The following CDKN2B-AS1 variants were observed in gnomAD, a reference collection of about 807,000 sequenced individuals.
CDKN2B-AS1 encodes CDKN2B antisense RNA 1 (non-protein coding).
At chr9:22,124,416 G>A (rs1817987596) in intron 4 of CDKN2B-AS1, among the ~76,000 whole-genome samples, 1 of 152,236 alleles carries the variant, frequency 6.6e-6, no homozygotes, top group African/African-American at 2.4e-5. Flanking sequence ...AGTTAAGTTA[G>A]TTGGAACTGA....
At chr9:22,036,951 C>T (rs1475526941) in intron 1 of CDKN2B-AS1, among the ~76,000 whole-genome samples, 1 of 152,076 alleles carries the variant, frequency 6.6e-6, no homozygotes, top group Non-Finnish European at 1.5e-5. Flanking sequence ...GTGGCTCTTC[C>T]ACACCCTGAC....
At chr9:22,046,875 A>G (rs1314964220) in exon 2 of CDKN2B-AS1, 1 of 152,152 alleles carries the variant, frequency 6.6e-6, no homozygotes, top group Non-Finnish European at 1.5e-5. Context: ...AACACACATC[A>G]AAGGAGAATT....
intron 4 of CDKN2B-AS1, among the ~76,000 whole-genome samples, chr9:22,065,336 G>A (rs1426339021): frequency 5.3e-5 from 8 of 152,308 alleles, no homozygotes; most frequent in African/African-American, 1.7e-4. Context: ...CCTAAGCAAA[G>A]ATTGCCAGCC....
At chr9:22,012,349 C>A in intron 1 of CDKN2B-AS1, 2 of 1,215,328 alleles carry the variant, frequency 1.6e-6, no homozygotes, top group Non-Finnish European at 2.4e-6. Context: ...AGAAACAGCC[C>A]ACCCCGCACC....
At chr9:22,111,435 A>T (rs1328877096) in intron 4 of CDKN2B-AS1, among the ~76,000 whole-genome samples, 3 of 152,212 alleles carry the variant, frequency 2.0e-5, no homozygotes, top group African/African-American at 7.2e-5. Context: ...TTCCATTTTT[A>T]AAAAATCACC....
chr9:22,089,439 C>T (rs536226937), intron 4 of CDKN2B-AS1, among the ~76,000 whole-genome samples: 1 of 149,510 alleles, frequency 6.7e-6, no homozygotes, highest in Non-Finnish European at 1.5e-5. Context: ...ACTTACTAAA[C>T]TTTTTTTTTT....
At chr9:22,029,529 G>A (rs780241839) in intron 1 of CDKN2B-AS1, 1 of 779,318 alleles carries the variant, frequency 1.3e-6, no homozygotes, top group Non-Finnish European at 2.4e-6. Flanking sequence ...CTCCGTCCTG[G>A]CCCCCATGAC....
Position 22,001,713 on chromosome 9 carries a change from T to C in CDKN2B-AS1, n.29+6552T>C, listed in dbSNP as rs544080943. 6.6e-6 allele frequency among the ~76,000 whole-genome samples: 1 copy of C among 152,122 alleles called. No individual in the cohort carries two copies. Among genetic ancestry groups the C allele is most frequent in the Non-Finnish European group, 1.5e-5 (1 of 67,974 alleles). On this transcript the variant is annotated intron_variant and non_coding_transcript_variant, in intron 1 of 4. Coordinates refer to ENST00000650946, the Ensembl canonical transcript of CDKN2B-AS1. The surrounding 1 kb of genome is among the most constrained non-coding windows in gnomAD (Gnocchi z 4.2). ...CGCAAGGAATGACATTAAAATCTTCTGAGTAGGGAATTTAAGAGGCAAGAA... is the reference window on the plus strand; with the variant it reads ...CGCAAGGAATGACATTAAAATCTTCCGAGTAGGGAATTTAAGAGGCAAGAA...
intron 1 of CDKN2B-AS1, among the ~76,000 whole-genome samples, chr9:22,031,361 A>G (rs1166782883): frequency 6.6e-6 from 1 of 152,190 alleles, no homozygotes; most frequent in Non-Finnish European, 1.5e-5. Context: ...ACTAACATAC[A>G]TTATTCTCAT....
intron 3 of CDKN2B-AS1, among the ~76,000 whole-genome samples, chr9:22,055,368 T>A (rs893208543): frequency 6.6e-6 from 1 of 152,190 alleles, no homozygotes; most frequent in African/African-American, 2.4e-5. Context: ...TGTAGCTTAG[T>A]TTTAGGTTCA....
intron 4 of CDKN2B-AS1, among the ~76,000 whole-genome samples, chr9:22,113,133 G>T (rs541452783): frequency 2.0e-5 from 3 of 152,310 alleles, no homozygotes; most frequent in East Asian, 3.9e-4. Flanking sequence ...CAGGCACTGC[G>T]TGGCTCGGCT....
intron 4 of CDKN2B-AS1, among the ~76,000 whole-genome samples, chr9:22,086,242 C>G (rs1036305207): frequency 6.6e-6 from 1 of 152,130 alleles, no homozygotes; most frequent in African/African-American, 2.4e-5. Flanking sequence ...CCCTTCCTCT[C>G]TTCTCATATC....
intron 4 of CDKN2B-AS1, among the ~76,000 whole-genome samples, chr9:22,070,064 A>G (rs1204615710): frequency 6.6e-6 from 1 of 152,192 alleles, no homozygotes; most frequent in Non-Finnish European, 1.5e-5. Flanking sequence ...CCAAATGAAC[A>G]CTATCCTCAC....
chr9:22,009,138 C>A, intron 1 of CDKN2B-AS1: 1 of 771,056 alleles, frequency 1.3e-6, no homozygotes, highest in Non-Finnish European at 2.1e-6. Context: ...GCCGAGCGGC[C>A]GGTCGTTAGC....
chr9:22,062,988 T>TACACACACAC (rs1448981003), intron 4 of CDKN2B-AS1, among the ~76,000 whole-genome samples: 7 of 30,194 alleles, frequency 2.3e-4, no homozygotes, highest in African/African-American at 2.0e-3. Context: ...CACACACACA[T>TACACACACAC]ATATATATAT....
chr9:22,012,231 T>A (rs546645350), intron 1 of CDKN2B-AS1: 2 of 1,414,808 alleles, frequency 1.4e-6, no homozygotes, highest in Non-Finnish European at 1.0e-6. Flanking sequence ...ATTGAGAATG[T>A]CAGTGCGAAA....
At chr9:22,038,883 A>G (rs1241790782) in intron 1 of CDKN2B-AS1, among the ~76,000 whole-genome samples, 1 of 152,084 alleles carries the variant, frequency 6.6e-6, no homozygotes, top group Non-Finnish European at 1.5e-5. Flanking sequence ...TATCTGGTAT[A>G]GTGTATGCAT....
chr9:21,996,439 T>C lies in CDKN2B-AS1; in HGVS notation n.29+1278T>C, dbSNP rs886765567. On this transcript the variant is annotated intron_variant and non_coding_transcript_variant, in intron 1 of 4. Transcript: ENST00000650946. This position sits in a 1 kb window ranked among gnomAD's most constrained non-coding sequence, Gnocchi z 5.4. ...TGCTCTTTCTCCCTCTTCGCAAATA[T>C]AGCTCTTTTTCCTTCAGGTCTCTTC... is the stretch of plus-strand genomic sequence containing the variant. Among the ~76,000 whole-genome samples the C allele has an allele frequency of 6.6e-6, 1 of 152,232 alleles. No individual in the cohort carries two copies.
rs1327646429 is a variant in CDKN2B-AS1 at position 22,006,843 on chromosome 9, A to G, written n.29+11682A>G. Among the ~76,000 whole-genome samples the G allele has an allele frequency of 2.0e-5, 3 of 151,952 alleles. No individual in the cohort carries two copies. The highest frequency in any genetic ancestry group is 4.4e-5 in the Non-Finnish European group (3 of 68,002). ...GTGTCTGAGCTCATAACTGGCTTGT[A>G]GTGTGATAATTTGAGCCAAAGTTGG... On this transcript the variant is annotated intron_variant and non_coding_transcript_variant, in intron 1 of 4. Transcript: ENST00000650946. The surrounding 1 kb of genome is among the most constrained non-coding windows in gnomAD (Gnocchi z 6.4).
Sources: allele counts gnomAD v4.1 joint callset (sites outside exome capture counted in the v4.1 genomes callset), GRCh38; gene constraint gnomAD v4.1.1; non-coding constraint Gnocchi (gnomAD v3.1); transcripts MANE v1.5; gene names NCBI Gene and HGNC (gene_info 2026-07-23, HGNC 2026-07-21).